The following AGTPBP1 variants were observed in gnomAD, a reference collection of about 807,000 sequenced individuals.
AGTPBP1 encodes the protein ATP/GTP binding carboxypeptidase 1, also known as cytosolic carboxypeptidase 1.
Under a neutral mutation model 143.9 loss-of-function variants are expected in AGTPBP1, and 70 were observed. The ratio of observed to expected loss-of-function variants is 0.49; its 90% CI spans 0.40 to 0.59. The LOEUF is 0.59. Among genes scored for constraint, AGTPBP1 ranks in the 20% least tolerant of loss-of-function variants. The pLI is 0.00. For synonymous variants in AGTPBP1, 463 were observed against 500.2 expected (o/e 0.93, Z 0.99); for missense variants, 1,229 against 1,464.5 (o/e 0.84, Z 2.62).
At chr9:85,689,327 A>C (rs1280003379) in intron 3 of AGTPBP1, among the ~76,000 whole-genome samples, 2 of 152,116 alleles carry the variant, frequency 1.3e-5, no homozygotes, top group Non-Finnish European at 2.9e-5. Context: ...AGTAGCTTTC[A>C]ATTTTGGAAC....
At chr9:85,661,030 A>G in intron 8 of AGTPBP1, 57 bp from the exon 9 acceptor site, 5 of 1,389,404 alleles carry the variant, frequency 3.6e-6, no homozygotes, top group Non-Finnish European at 9.9e-7. Context: ...TTAATCTACA[A>G]TAGTAAATTC....
At position 85,676,019 on chromosome 9, in the gene AGTPBP1, G is replaced by A. The variant is rs866706173; in HGVS notation, c.436+1417C>T. ...CAGCCTGGTGACACAGTGAGCCTCC[G>A]TCTCAAAAATAAAAAAAAACATTTC... On this transcript the variant is annotated intron_variant, in intron 6 of 25. Transcript: ENST00000357081. Among the ~76,000 whole-genome samples the A allele has an allele frequency of 5.3e-5, 8 of 151,394 alleles. No homozygotes were observed. The South Asian group carries it at 6.2e-4, about 12-fold the overall frequency.
the AGTPBP1 span, among the ~76,000 whole-genome samples, chr9:85,797,613 C>G: frequency 6.6e-6 from 1 of 152,148 alleles, no homozygotes; most frequent in African/African-American, 2.4e-5. Flanking sequence ...CCTCCCTTCA[C>G]CTTCACCTAG....
At chr9:85,768,456 C>G in the AGTPBP1 span, among the ~76,000 whole-genome samples, 1 of 151,828 alleles carries the variant, frequency 6.6e-6, no homozygotes, top group Non-Finnish European at 1.5e-5. Flanking sequence ...GCTTTTGTTA[C>G]AAAGTTAATA....
chr9:85,673,693 C>G (rs1217210201), intron 6 of AGTPBP1, among the ~76,000 whole-genome samples: 1 of 151,970 alleles, frequency 6.6e-6, no homozygotes, highest in African/African-American at 2.4e-5. Context: ...TGAAAAATTA[C>G]CTGTTAGCTA....
chr9:85,756,746 A>G, the AGTPBP1 span, among the ~76,000 whole-genome samples: 2 of 152,232 alleles, frequency 1.3e-5, no homozygotes, highest in South Asian at 2.1e-4. Flanking sequence ...TCCATACAAT[A>G]GCATATTATT....
chr9:85,608,851 C>G (rs755871963), intron 17 of AGTPBP1, among the ~76,000 whole-genome samples: 2 of 151,622 alleles, frequency 1.3e-5, no homozygotes, highest in Non-Finnish European at 2.9e-5. Flanking sequence ...GGGAGGGAAC[C>G]CACGCAGGAG....
chr9:85,662,582 A>T (rs1283503595), intron 8 of AGTPBP1, among the ~76,000 whole-genome samples: 1 of 152,154 alleles, frequency 6.6e-6, no homozygotes, highest in Non-Finnish European at 1.5e-5. Flanking sequence ...TAAAAACTAA[A>T]ATGGAAAAGA....
intron 17 of AGTPBP1, among the ~76,000 whole-genome samples, chr9:85,608,156 C>G (rs528069458): frequency 6.6e-6 from 1 of 151,864 alleles, no homozygotes; most frequent in Non-Finnish European, 1.5e-5. Flanking sequence ...GAGGATGGAA[C>G]AACAGAATTG....
At chr9:85,719,457 G>C (rs1233307387) in intron 1 of AGTPBP1, among the ~76,000 whole-genome samples, 2 of 151,640 alleles carry the variant, frequency 1.3e-5, no homozygotes, top group Non-Finnish European at 3.0e-5. Flanking sequence ...TCATGATTTG[G>C]CTCTGTCTGT....
chr9:85,769,994 A>G, the AGTPBP1 span, among the ~76,000 whole-genome samples: 1 of 151,972 alleles, frequency 6.6e-6, no homozygotes, highest in Non-Finnish European at 1.5e-5. Flanking sequence ...GAACTCCCCT[A>G]AACTTCTGTC....
intron 25 of AGTPBP1, among the ~76,000 whole-genome samples, chr9:85,562,228 C>CAA (rs71370872): frequency 0.014 from 1,795 of 130,272 alleles, 28 homozygotes; most frequent in African/African-American, 0.042. Context: ...AAAAGAAAGC[C>CAA]AAAAAAAAAA....
intron 13 of AGTPBP1, among the ~76,000 whole-genome samples, chr9:85,640,859 A>G (rs1832416126): frequency 6.6e-6 from 1 of 152,240 alleles, no homozygotes; most frequent in Non-Finnish European, 1.5e-5. Flanking sequence ...CTGTAATCAC[A>G]TGAGAGTAGT....
chr9:85,710,588 T>C (rs1419152236), intron 2 of AGTPBP1, among the ~76,000 whole-genome samples: 6 of 152,122 alleles, frequency 3.9e-5, no homozygotes, highest in Non-Finnish European at 2.9e-5. Context: ...CATTCAGCTT[T>C]CTTCACAGAG....
intron 17 of AGTPBP1, among the ~76,000 whole-genome samples, chr9:85,610,114 C>T (rs1432279428): frequency 1.3e-5 from 2 of 152,240 alleles, no homozygotes; most frequent in Non-Finnish European, 2.9e-5. Context: ...GACTAGACTC[C>T]AAAATTGTAC....
intron 25 of AGTPBP1, among the ~76,000 whole-genome samples, chr9:85,560,221 GA>G (rs751158317): frequency 4.6e-5 from 7 of 151,698 alleles, no homozygotes; most frequent in African/African-American, 9.7e-5. Flanking sequence ...GAAATCAAGG[GA>G]AAAAAAATGC....
chr9:85,756,250 G>C, the AGTPBP1 span: 71 of 1,594,126 alleles, frequency 4.5e-5, 1 homozygote, highest in Admixed American at 9.9e-4. Flanking sequence ...GATCTAGTCA[G>C]GTATTCTGTT....
chr9:85,792,639 T>A, the AGTPBP1 span, among the ~76,000 whole-genome samples: 1 of 152,360 alleles, frequency 6.6e-6, no homozygotes, highest in Non-Finnish European at 1.5e-5. Context: ...TATTTATGAA[T>A]CACTACCCTG....
At chr9:85,579,136 T>A in intron 23 of AGTPBP1, 40 bp from the exon 24 acceptor site, 1 of 1,540,366 alleles carries the variant, frequency 6.5e-7, no homozygotes, top group South Asian at 1.2e-5. Flanking sequence ...ATAAACCAAG[T>A]TTTTAATTTT....
Sources: allele counts gnomAD v4.1 joint callset (sites outside exome capture counted in the v4.1 genomes callset), GRCh38; gene constraint gnomAD v4.1.1; transcripts MANE v1.5; gene names NCBI Gene and HGNC (gene_info 2026-07-23, HGNC 2026-07-21).